The following AUTS2 variants were observed in gnomAD, a reference collection of about 807,000 sequenced individuals.
AUTS2 encodes the protein activator of transcription and developmental regulator AUTS2.
In AUTS2, 17 loss-of-function variants were observed where a neutral mutation model predicts 112.4. That is an observed-to-expected ratio of 0.15 (90% CI 0.10 to 0.23). The LOEUF (loss-of-function observed/expected upper bound fraction) is 0.23, where lower values mean the gene tolerates loss of function less well. AUTS2 is among the 10% of genes least tolerant of loss of function. AUTS2 has a pLI of 1.00. For synonymous variants in AUTS2, 751 were observed against 702.7 expected, an observed-to-expected ratio of 1.07 and a Z score of -1.09; for missense variants, 1,510 against 1,701.6, an observed-to-expected ratio of 0.89 and a Z score of 1.98.
At chr7:70,267,135 A>G (rs1003972183) in intron 4 of AUTS2, among the ~76,000 whole-genome samples, 4 of 152,206 alleles carry the variant, frequency 2.6e-5, no homozygotes, top group African/African-American at 4.8e-5. Flanking sequence ...AGACATCCCT[A>G]TATCAGCTTT....
chr7:69,993,566 A>G (rs1798824487), intron 2 of AUTS2, among the ~76,000 whole-genome samples: 1 of 152,088 alleles, frequency 6.6e-6, no homozygotes, highest in Admixed American at 6.6e-5. Context: ...GCAACACAGT[A>G]AGACCTTTTA....
chr7:70,440,209 T>C (rs1796068625), intron 5 of AUTS2, among the ~76,000 whole-genome samples: 1 of 131,864 alleles, frequency 7.6e-6, no homozygotes. Flanking sequence ...CTGGGCAACA[T>C]AGTGAGGCCC....
chr7:70,390,671 G>A (rs958360701), intron 4 of AUTS2, among the ~76,000 whole-genome samples: 1 of 152,026 alleles, frequency 6.6e-6, no homozygotes, highest in African/African-American at 2.4e-5. Context: ...AGTCCAAGCA[G>A]AGAATGGCCG....
chr7:70,655,654 C>G (rs1407382826), intron 5 of AUTS2, among the ~76,000 whole-genome samples: 1 of 152,200 alleles, frequency 6.6e-6, no homozygotes, highest in Non-Finnish European at 1.5e-5. Flanking sequence ...GCTTGAACAG[C>G]ATCACCTGCC....
intron 5 of AUTS2, among the ~76,000 whole-genome samples, chr7:70,575,168 A>C (rs1394015226): frequency 6.6e-6 from 1 of 152,186 alleles, no homozygotes; most frequent in African/African-American, 2.4e-5. Flanking sequence ...AGTTCTTTCC[A>C]TCTTCCCCAT....
At chr7:69,793,890 G>A (rs1789728287) in intron 1 of AUTS2, among the ~76,000 whole-genome samples, 1 of 152,190 alleles carries the variant, frequency 6.6e-6, no homozygotes, top group Non-Finnish European at 1.5e-5. Context: ...GTCAGAGAAG[G>A]AAAGGTATTC....
At chr7:69,991,015 T>C (rs1584538016) in intron 2 of AUTS2, among the ~76,000 whole-genome samples, 1 of 152,124 alleles carries the variant, frequency 6.6e-6, no homozygotes, top group African/African-American at 2.4e-5. Flanking sequence ...AGTTTTCTTT[T>C]AAGAAGGCTA....
Position 70,042,937 on chromosome 7 carries a change from C to T in AUTS2, c.523-75195C>T, listed in dbSNP as rs540467755. Among the ~76,000 whole-genome samples, 8 of 151,548 alleles carry T rather than the reference C, an allele frequency of 5.3e-5. No homozygotes were observed. The East Asian group carries it at 7.8e-4, about 15-fold the overall frequency. On this transcript the variant is annotated intron_variant, in intron 2 of 18. Transcript: ENST00000342771. ...CAACAATATGATTTCAGCATTCTCA[C>T]GGCCCAGTCTAATTATCTGACACAT... is the stretch of plus-strand genomic sequence containing the variant.
intron 4 of AUTS2, among the ~76,000 whole-genome samples, chr7:70,229,584 A>G (rs921326778): frequency 3.9e-5 from 6 of 152,094 alleles, no homozygotes; most frequent in African/African-American, 1.4e-4. Flanking sequence ...TTATTTGATA[A>G]TTTTGGAAGT....
intron 2 of AUTS2, among the ~76,000 whole-genome samples, chr7:70,115,756 T>A (rs1805325864): frequency 6.6e-6 from 1 of 152,228 alleles, no homozygotes; most frequent in Non-Finnish European, 1.5e-5. Flanking sequence ...ATGCAAACTT[T>A]ATTATCAGTA....
intron 2 of AUTS2, among the ~76,000 whole-genome samples, chr7:70,019,328 TG>T: frequency 6.6e-6 from 1 of 152,152 alleles, no homozygotes; most frequent in Non-Finnish European, 1.5e-5. Context: ...GCTTAATACC[TG>T]GGTGATGAAA....
At chr7:69,624,433 T>C (rs969272596) in intron 1 of AUTS2, among the ~76,000 whole-genome samples, 1 of 152,160 alleles carries the variant, frequency 6.6e-6, no homozygotes, top group Admixed American at 6.5e-5. Flanking sequence ...GCCCTGATGG[T>C]TTTTCTTTTT....
At chr7:70,232,067 C>T (rs903325546) in intron 4 of AUTS2, among the ~76,000 whole-genome samples, 2 of 152,172 alleles carry the variant, frequency 1.3e-5, no homozygotes, top group African/African-American at 4.8e-5. Flanking sequence ...GCCACTGCAT[C>T]CAGCCTATAA....
chr7:69,845,882 C>T (rs1005322720), intron 1 of AUTS2, among the ~76,000 whole-genome samples: 1 of 152,182 alleles, frequency 6.6e-6, no homozygotes, highest in Non-Finnish European at 1.5e-5. Context: ...GTGCCTGGGG[C>T]TGCAATTCTG....
intron 4 of AUTS2, among the ~76,000 whole-genome samples, chr7:70,216,492 C>T (rs1811172248): frequency 6.6e-6 from 1 of 152,224 alleles, no homozygotes; most frequent in Non-Finnish European, 1.5e-5. Flanking sequence ...GGCCCTCCTT[C>T]CTCCCGCTAG....
rs1236191893 is a variant in AUTS2, at chr7:70,330,386, C to A, written c.661-105366C>A. On this transcript the variant is annotated intron_variant, in intron 4 of 18. Transcript: ENST00000342771. ...AGCATCATCTGTTGAAAAGATTATTCTTTTCCTGTTAAATAGCTTAGGCAT... is the reference window on the plus strand; with the variant it reads ...AGCATCATCTGTTGAAAAGATTATTATTTTCCTGTTAAATAGCTTAGGCAT... 3.3e-5 allele frequency among the ~76,000 whole-genome samples: 5 copies of A among 152,258 alleles called. No homozygotes were observed. The East Asian group carries it at 9.6e-4, about 29-fold the overall frequency.
intron 2 of AUTS2, among the ~76,000 whole-genome samples, chr7:70,075,566 AAG>A (rs1276284871): frequency 6.6e-6 from 1 of 152,172 alleles, no homozygotes; most frequent in Non-Finnish European, 1.5e-5. Context: ...CAAATAATAA[AAG>A]AGATATGAAA....
At chr7:69,938,106 C>T (rs2129544666) in intron 2 of AUTS2, among the ~76,000 whole-genome samples, 1 of 152,254 alleles carries the variant, frequency 6.6e-6, no homozygotes, top group African/African-American at 2.4e-5. Flanking sequence ...TTCTTAAAGC[C>T]CTTCCTTGAA....
chr7:70,556,980 G>A (rs751678996), intron 5 of AUTS2, among the ~76,000 whole-genome samples: 17 of 152,262 alleles, frequency 1.1e-4, no homozygotes, highest in East Asian at 9.7e-4. Flanking sequence ...CCTCCTGTGC[G>A]CTCCCAGAGA....
Sources: gnomAD v4.1 joint callset for allele counts (sites outside exome capture counted in the v4.1 genomes callset) on GRCh38, gnomAD v4.1.1 for gene constraint, MANE v1.5 for transcripts, NCBI Gene and HGNC (gene_info 2026-07-23, HGNC 2026-07-21) for gene names.